Variants in ARHGDIA observed in about 807,000 individuals in gnomAD.
The protein encoded by ARHGDIA is rho GDP-dissociation inhibitor 1.
In ARHGDIA, 9 loss-of-function variants were observed where a neutral mutation model predicts 25.0. The observed-to-expected ratio is 0.36, with a 90% CI of 0.22 to 0.63. ARHGDIA has a LOEUF of 0.63. Ranked by LOEUF, ARHGDIA falls within the 20% of genes least tolerant of loss-of-function variation. The pLI is 0.69. For missense variants in ARHGDIA, 239 were observed against 264.3 expected (o/e 0.90, Z 0.66); for synonymous variants, 166 against 111.5 (o/e 1.49, Z -3.08).
chr17:81,868,300 G>A lies in ARHGDIA; in HGVS notation c.*576C>T, dbSNP rs2039111770. 2.2e-6 allele frequency: 3 copies of A among 1,378,026 alleles called. No individual in the cohort carries two copies. The highest frequency in any genetic ancestry group is 1.7e-5 in the South Asian group (1 of 60,434). The allele number at this position is 1,378,026 out of a possible 1,614,324, so 85.4% of individuals were successfully genotyped here. ...TTCGCCACCGGGGAAGGGACGGGGA[G>A]GCCACATGCTCATGCAGACACAGGG... On this transcript the variant is annotated 3_prime_UTR_variant, in exon 6 of 6. Transcript: ENST00000269321.
intron 5 of ARHGDIA, 28 bp downstream of exon 5, chr17:81,869,145 C>T (rs368747500): frequency 6.2e-7 from 1 of 1,612,866 alleles, no homozygotes; most frequent in Non-Finnish European, 8.5e-7. Flanking sequence ...CAAGCGGCCC[C>T]CTCTGCCCTG....
Position 81,869,034 on chromosome 17 carries a change from C to A in ARHGDIA, c.457G>T (p.Ala153Ser). ...GGGGTCAGGAACTCGTACTCCTCGG[C>A]CCGGGGCCCATAGCTGCCTACCATG... is the stretch of plus-strand genomic sequence containing the variant. ...DYMVGSYGPRAEEYEFLTPVE... is the reference protein window; with the variant it reads ...DYMVGSYGPRSEEYEFLTPVE... The change falls in exon 6 of 6, where the codon GCC becomes TCC. Residue 153 changes from alanine to serine, a missense_variant. This residue lies in a region of ARHGDIA where 75 missense variants were observed against 122.4 expected (regional missense o/e 0.61). Coordinates refer to ENST00000269321, the MANE Select transcript of ARHGDIA (RefSeq NM_004309.6). 6.2e-7 allele frequency: 1 copy of A among 1,613,594 alleles called. No homozygotes were observed. The highest frequency in any genetic ancestry group is 8.5e-7 in the Non-Finnish European group (1 of 1,179,920).
chr17:81,870,038 G>A (rs1041942070), intron 1 of ARHGDIA, 81 bp from the exon 2 acceptor site: 15 of 1,406,556 alleles, frequency 1.1e-5, no homozygotes, highest in Middle Eastern at 5.1e-4. Context: ...GGCTGCAGCC[G>A]GAGCTCCAAA....
Position 81,868,836 on chromosome 17 carries a change from C to G in ARHGDIA, c.*40G>C. 6.2e-7 allele frequency: 1 copy of G among 1,612,334 alleles called. No individual in the cohort carries two copies. Among genetic ancestry groups the G allele is most frequent in the Non-Finnish European group, 8.5e-7 (1 of 1,179,722 alleles). On this transcript the variant is annotated 3_prime_UTR_variant, in exon 6 of 6. Coordinates refer to ENST00000269321, the MANE Select transcript of ARHGDIA (RefSeq NM_004309.6). ...GGGGGGGACACATCCGCCTGTCCGT[C>G]GTCCGTCCGTCAGTCTGCCCTGCCC...
intron 1 of ARHGDIA, 194 bp from the exon 2 acceptor site, chr17:81,870,151 C>T (rs951239003): frequency 1.7e-6 from 1 of 578,182 alleles, no homozygotes. Context: ...GGTATAACAT[C>T]TAAGACAAAA....
At position 81,868,336 on chromosome 17, in the gene ARHGDIA, T is replaced by G. The variant is rs533045407; in HGVS notation, c.*540A>C. On this transcript the variant is annotated 3_prime_UTR_variant, in exon 6 of 6. Coordinates refer to ENST00000269321, the MANE Select transcript of ARHGDIA (RefSeq NM_004309.6). Reference sequence around the variant, plus strand: ...CATGCAGACACAGGGAGTTAGAGGCTAGTGAGGCCCCACGGTACACTCCAC... The same window carrying G: ...CATGCAGACACAGGGAGTTAGAGGCGAGTGAGGCCCCACGGTACACTCCAC... 11 of 1,422,468 alleles carry G rather than the reference T, an allele frequency of 7.7e-6. No homozygotes were observed. Among genetic ancestry groups the G allele is most frequent in the Non-Finnish European group, 9.2e-6 (10 of 1,089,856 alleles). The allele number at this position is 1,422,468 out of a possible 1,614,324, so 88.1% of individuals were successfully genotyped here.
chr17:81,870,444 C>T (rs2039257374), intron 1 of ARHGDIA, among the ~76,000 whole-genome samples: 1 of 152,198 alleles, frequency 6.6e-6, no homozygotes, highest in African/African-American at 2.4e-5. Flanking sequence ...AAACAGGATG[C>T]CCCTGGAGCT....
chr17:81,869,966 G>A lies in ARHGDIA; in HGVS notation c.-27-9C>T, dbSNP rs370686865. ...AGCCTGGGTCGGGACACCTGTGGGC[G>A]GGACGGTGACAGGCCTTGGACCTGG... On this transcript the variant is annotated splice_polypyrimidine_tract_variant and intron_variant, in intron 1 of 5. Transcript: ENST00000269321. 7 of 1,607,120 alleles carry A rather than the reference G, an allele frequency of 4.4e-6. No individual in the cohort carries two copies. The highest frequency in any genetic ancestry group is 1.3e-5 in the African/African-American group (1 of 74,994).
In ARHGDIA at chr17:81,869,565, C is replaced by T. The variant is rs1418007721; in HGVS notation, c.251G>A (p.Gly84Asp). The change falls in exon 3 of 6, where the codon GGC becomes GAC. Residue 84 changes from glycine (G) to aspartate (D), a missense_variant. Transcript: ENST00000269321. ...GLTLVCSSAP[G>D]PLELDLTGDL... ...ACCCGTCAGGTCCAGCTCCAGGGGG[C>T]CCGGGGCCGAGCTGCACACCAGGGT... 2 of 1,554,682 alleles carry T rather than the reference C, an allele frequency of 1.3e-6. No homozygotes were observed. The highest frequency in any genetic ancestry group is 8.7e-7 in the Non-Finnish European group (1 of 1,153,622).
chr17:81,869,148 C>T, intron 5 of ARHGDIA, 25 bp downstream of exon 5: 1 of 1,613,758 alleles, frequency 6.2e-7, no homozygotes, highest in Non-Finnish European at 8.5e-7. Flanking sequence ...GCGGCCCCCT[C>T]TGCCCTGCCC....
In ARHGDIA at chr17:81,868,375, A is replaced by G. The variant is rs1270586934; in HGVS notation, c.*501T>C. ...GGTACACTCCACATGTTAAGGCATC[A>G]TGGTTAGACGGGACCGACAGCGACA... On this transcript the variant is annotated 3_prime_UTR_variant, in exon 6 of 6. Coordinates refer to ENST00000269321, the MANE Select transcript of ARHGDIA (RefSeq NM_004309.6). 1.3e-5 allele frequency: 19 copies of G among 1,438,964 alleles called. No individual in the cohort carries two copies. In the African/African-American group the frequency reaches 2.3e-4, roughly 17 times the overall value. The allele number at this position is 1,438,964 out of a possible 1,614,324, so 89.1% of individuals were successfully genotyped here.
intron 1 of ARHGDIA, among the ~76,000 whole-genome samples, chr17:81,870,481 G>A (rs1478191367): frequency 6.6e-6 from 1 of 152,160 alleles, no homozygotes; most frequent in Non-Finnish European, 1.5e-5. Context: ...CTAGAATACC[G>A]CACGGGGCCA....
chr17:81,869,333 G>T lies in ARHGDIA; in HGVS notation c.348C>A (p.Phe116Leu). The T allele has an allele frequency of 6.2e-7, 1 of 1,614,072 alleles. No individual in the cohort carries two copies. The change falls in exon 4 of 6, where the codon TTC (phenylalanine) becomes TTA (leucine). Residue 116 changes from phenylalanine to leucine, a missense_variant. Around this residue, in one of 3 missense-constraint regions of ARHGDIA, gnomAD observed 75 missense variants for 122.4 expected, o/e 0.61. Coordinates refer to ENST00000269321, the MANE Select transcript of ARHGDIA (RefSeq NM_004309.6). ...EGVEYRIKIS[F>L]RVNREIVSGM... is the part of the protein sequence containing the mutation. ...GCCACAGCAGCCTGTAGCTTACCCG[G>T]AAAGAGATTTTTATCCGGTACTCCA...
rs1443102624 is a variant in ARHGDIA, at chr17:81,868,311, C to T, written c.*565G>A. The stretch of plus-strand genomic sequence containing the variant: ...GGAAGGGACGGGGAGGCCACATGCT[C>T]ATGCAGACACAGGGAGTTAGAGGCT... On this transcript the variant is annotated 3_prime_UTR_variant, in exon 6 of 6. Transcript: ENST00000269321. 7.1e-7 allele frequency: 1 copy of T among 1,404,680 alleles called. No individual in the cohort carries two copies. Among genetic ancestry groups the T allele is most frequent in the Non-Finnish European group, 9.3e-7 (1 of 1,077,058 alleles). The allele number at this position is 1,404,680 out of a possible 1,614,324, so 87.0% of individuals were successfully genotyped here. A position where few individuals can be genotyped will look rare whatever the true frequency, so the allele number is the denominator to read the frequency against.
chr17:81,868,267 TCA>T lies in ARHGDIA; in HGVS notation c.*607_*608del, dbSNP rs1482501436. On this transcript the variant is annotated 3_prime_UTR_variant, in exon 6 of 6. Transcript: ENST00000269321. ...GCAGCACACCCCACGTGTCCCTGGGTCACTGGGTTCGCCACCGGGGAAGGGAC... is the reference window on the plus strand; with the variant it reads ...GCAGCACACCCCACGTGTCCCTGGGTCTGGGTTCGCCACCGGGGAAGGGAC... The T allele has an allele frequency of 3.1e-5, 37 of 1,203,556 alleles. No individual in the cohort carries two copies. Among genetic ancestry groups the T allele is most frequent in the Non-Finnish European group, 4.1e-5 (37 of 904,524 alleles). 74.6% of individuals were successfully genotyped at this position (1,203,556 alleles called of 1,614,324 possible).
chr17:81,869,362 C>T lies in ARHGDIA; in HGVS notation c.319G>A (p.Gly107Ser), dbSNP rs1598281020. ...GAGATTTTTATCCGGTACTCCACAC[C>T]CTCCTTCAGCACAAACGACTGCTTC... ...FKKQSFVLKE[G>S]VEYRIKISFR... Residue 107 changes from glycine (G) to serine (S), a missense_variant, in exon 4 of 6, where the codon GGT (glycine) becomes AGT (serine). By Grantham distance (56) the Gly-to-Ser change is moderately conservative (BLOSUM62 0). Around this residue, in one of 3 missense-constraint regions of ARHGDIA, gnomAD observed 75 missense variants for 122.4 expected, o/e 0.61. Transcript: ENST00000269321. The T allele has an allele frequency of 3.1e-6, 5 of 1,614,120 alleles. No individual in the cohort carries two copies. The highest frequency in any genetic ancestry group is 4.2e-6 in the Non-Finnish European group (5 of 1,180,002).
intron 1 of ARHGDIA, 31 bp from the exon 2 acceptor site, chr17:81,869,988 C>G (rs1224913465): frequency 2.5e-6 from 4 of 1,592,476 alleles, no homozygotes; most frequent in Non-Finnish European, 3.4e-6. Flanking sequence ...GGCCTTGGAC[C>G]TGGATCCCCA....
Position 81,868,663 on chromosome 17 carries a change from C to T in ARHGDIA, c.*213G>A. 1 of 1,535,012 alleles carries T rather than the reference C, an allele frequency of 6.5e-7. No individual in the cohort carries two copies. Among genetic ancestry groups the T allele is most frequent in the Admixed American group, 2.0e-5 (1 of 50,986 alleles). ...AGCACAGGCAGAAGCAGCAACGAGA[C>T]AGGAGACCGAGGAGGCTGGGCCTGT... On this transcript the variant is annotated 3_prime_UTR_variant, in exon 6 of 6. Transcript: ENST00000269321.
rs1250718194 is a variant in ARHGDIA at position 81,868,386 on chromosome 17, G to C, written c.*490C>G. The C allele has an allele frequency of 1.4e-6, 2 of 1,444,436 alleles. No individual in the cohort carries two copies. Among genetic ancestry groups the C allele is most frequent in the African/African-American group, 1.4e-5 (1 of 69,860 alleles). 89.5% of individuals were successfully genotyped at this position (1,444,436 alleles called of 1,614,324 possible). On this transcript the variant is annotated 3_prime_UTR_variant, in exon 6 of 6. Transcript: ENST00000269321. ...CATGTTAAGGCATCATGGTTAGACG[G>C]GACCGACAGCGACAAGGGGGCTGGC...
Sources: allele counts gnomAD v4.1 joint callset (sites outside exome capture counted in the v4.1 genomes callset), GRCh38; gene constraint gnomAD v4.1.1; regional missense constraint gnomAD v4.1.1; transcripts MANE v1.5; gene names NCBI Gene and HGNC (gene_info 2026-07-23, HGNC 2026-07-21).